The following ADGRV1 variants were observed in gnomAD, a reference collection of about 807,000 sequenced individuals.
ADGRV1 encodes the protein adhesion G protein-coupled receptor V1.
Under a neutral mutation model 596.2 loss-of-function variants are expected in ADGRV1, and 359 were observed. The ratio of observed to expected loss-of-function variants is 0.60; its 90% CI spans 0.55 to 0.66. ADGRV1 has a LOEUF of 0.66. ADGRV1 is among the 30% of genes least tolerant of loss of function. The probability of loss-of-function intolerance (pLI) is 0.00; values close to 1 mark genes in which losing one functional copy is unlikely to be tolerated. For synonymous variants in ADGRV1, 2,681 were observed against 2,679.2 expected (o/e 1.00, Z -0.02); for missense variants, 7,274 against 7,575.6 (o/e 0.96, Z 1.48).
At chr5:91,134,508 T>G (rs2126811829) in intron 87 of ADGRV1, among the ~76,000 whole-genome samples, 1 of 152,356 alleles carries the variant, frequency 6.6e-6, no homozygotes, top group African/African-American at 2.4e-5. Context: ...ACTGCTTCTT[T>G]GTGCTCAGAC....
At chr5:90,997,639 T>A (rs531109087) in intron 85 of ADGRV1, among the ~76,000 whole-genome samples, 1 of 152,336 alleles carries the variant, frequency 6.6e-6, no homozygotes, top group South Asian at 2.1e-4. Context: ...ACAAACTCAT[T>A]GTACTAAATA....
intron 1 of ADGRV1, among the ~76,000 whole-genome samples, chr5:90,610,478 A>G (rs1231913923): frequency 6.6e-6 from 1 of 151,972 alleles, no homozygotes; most frequent in African/African-American, 2.4e-5. Flanking sequence ...TTCTATTCTG[A>G]AGACATCCTT....
intron 87 of ADGRV1, among the ~76,000 whole-genome samples, chr5:91,106,208 A>T (rs1791862188): frequency 6.6e-6 from 1 of 152,006 alleles, no homozygotes; most frequent in Non-Finnish European, 1.5e-5. Flanking sequence ...AGCGACCTTT[A>T]TTGAAGAGAC....
chr5:91,024,903 G>A (rs547767277), intron 85 of ADGRV1, among the ~76,000 whole-genome samples: 1 of 152,100 alleles, frequency 6.6e-6, no homozygotes, highest in African/African-American at 2.4e-5. Flanking sequence ...ATCAAATTGC[G>A]CAGAATGGTG....
intron 21 of ADGRV1, among the ~76,000 whole-genome samples, chr5:90,662,066 A>C (rs1186899529): frequency 6.6e-6 from 1 of 152,124 alleles, no homozygotes; most frequent in Non-Finnish European, 1.5e-5. Flanking sequence ...TTTTTAAATG[A>C]AAGTTTTCAT....
intron 84 of ADGRV1, among the ~76,000 whole-genome samples, chr5:90,984,064 G>A (rs1453570467): frequency 2.0e-5 from 3 of 152,170 alleles, no homozygotes; most frequent in Non-Finnish European, 2.9e-5. Flanking sequence ...GACTATGTAT[G>A]TGCTCAGCAC....
At chr5:90,702,425 A>G (rs192706921) in intron 34 of ADGRV1, among the ~76,000 whole-genome samples, 69 of 152,012 alleles carry the variant, frequency 4.5e-4, no homozygotes, top group Middle Eastern at 3.4e-3. Context: ...TTTTGTTTAT[A>G]TTATCCACTC....
intron 78 of ADGRV1, among the ~76,000 whole-genome samples, chr5:90,845,241 C>T (rs1489122109): frequency 2.0e-5 from 3 of 152,156 alleles, no homozygotes; most frequent in African/African-American, 7.2e-5. Flanking sequence ...GTTAGTCATC[C>T]TCCTTCTGCC....
chr5:90,665,019 A>G (rs1771068113), intron 21 of ADGRV1, among the ~76,000 whole-genome samples: 1 of 151,768 alleles, frequency 6.6e-6, no homozygotes, highest in Non-Finnish European at 1.5e-5. Flanking sequence ...GTTTGCCAGT[A>G]TTTTATTGAG....
chr5:90,629,133 A>G, intron 8 of ADGRV1, 77 bp from the exon 9 acceptor site: 1 of 758,162 alleles, frequency 1.3e-6, no homozygotes, highest in Non-Finnish European at 1.9e-6. Flanking sequence ...TAAAATTAGA[A>G]TAACATGGAA....
chr5:91,158,894 TGG>T (rs1211804750), intron 89 of ADGRV1, among the ~76,000 whole-genome samples: 3 of 151,910 alleles, frequency 2.0e-5, no homozygotes, highest in South Asian at 2.1e-4. Flanking sequence ...GATGGATGGA[TGG>T]ATGGATAGAT....
rs1391394642 is a variant in ADGRV1, at chr5:90,625,162, T to A, written c.591T>A (p.Asp197Glu). 5.0e-6 allele frequency: 8 copies of A among 1,613,132 alleles called. No homozygotes were observed. The highest frequency in any genetic ancestry group is 6.8e-6 in the Non-Finnish European group (8 of 1,179,484). Residue 197 changes from aspartate (D) to glutamate (E), a missense_variant, in exon 6 of 90, where the codon GAT (aspartate) becomes GAA (glutamate). By Grantham distance (45) the Asp-to-Glu change is conservative. Transcript: ENST00000405460. ...GTGGCCCAAATCCCCCTGATGAAGATTTGAGTCCAGTTAAAGGAAATATCA... is the reference window on the plus strand; with the variant it reads ...GTGGCCCAAATCCCCCTGATGAAGAATTGAGTCCAGTTAAAGGAAATATCA... The part of the protein sequence containing the change: ...VEGGPNPPDE[D>E]LSPVKGNITF...
chr5:90,789,934 G>C (rs1759884089), intron 69 of ADGRV1, 83 bp downstream of exon 69: 1 of 997,030 alleles, frequency 1.0e-6, no homozygotes, highest in African/African-American at 1.7e-5. Flanking sequence ...GCATGTTCTA[G>C]TTAATTAAAG....
intron 86 of ADGRV1, among the ~76,000 whole-genome samples, chr5:91,078,924 A>G (rs1789087624): frequency 5.3e-5 from 8 of 152,208 alleles, no homozygotes; most frequent in Admixed American, 5.2e-4. Flanking sequence ...CAATATCCTC[A>G]TTATTCTCAC....
rs756798325 is a variant in ADGRV1, at chr5:90,790,957, A to G, written c.14128A>G (p.Ser4710Gly). The part of the protein sequence containing the change: ...SGFFTIADGE[S>G]EASFDVHLLP... ...ATTTTTCACCATTGCTGATGGAGAG[A>G]GTGAAGCTAGCTTTGATGTTCATTT... is the stretch of plus-strand genomic sequence containing the variant. Residue 4710 changes from serine (S) to glycine (G), a missense_variant, in exon 70 of 90, where the codon AGT becomes GGT. Coordinates refer to ENST00000405460, the MANE Select transcript of ADGRV1 (RefSeq NM_032119.4). 1.9e-6 allele frequency: 3 copies of G among 1,612,922 alleles called. No individual in the cohort carries two copies. In the Admixed American group the frequency reaches 5.0e-5, roughly 27 times the overall value.
chr5:90,981,761 A>G (rs1780095178), intron 84 of ADGRV1, among the ~76,000 whole-genome samples: 1 of 152,248 alleles, frequency 6.6e-6, no homozygotes, highest in Non-Finnish European at 1.5e-5. Flanking sequence ...TTTATAAAGT[A>G]TATGAAGAAA....
At chr5:91,153,074 T>G in intron 88 of ADGRV1, 147 bp from the exon 89 acceptor site, 1 of 599,760 alleles carries the variant, frequency 1.7e-6, no homozygotes, top group Non-Finnish European at 2.8e-6. Flanking sequence ...TATAAATAAG[T>G]AAAGGTCTAG....
chr5:90,594,850 A>G (rs947259756), intron 1 of ADGRV1, among the ~76,000 whole-genome samples: 6 of 150,986 alleles, frequency 4.0e-5, no homozygotes, highest in Admixed American at 3.9e-4. Flanking sequence ...TTTTCTTAGT[A>G]CAGAAGAAAA....
At chr5:90,940,802 C>T (rs1776109204) in intron 83 of ADGRV1, among the ~76,000 whole-genome samples, 1 of 149,104 alleles carries the variant, frequency 6.7e-6, no homozygotes, top group Admixed American at 6.7e-5. Flanking sequence ...GAGGAGCATT[C>T]ACACTCAGAG....
Sources: allele counts gnomAD v4.1 joint callset (sites outside exome capture counted in the v4.1 genomes callset), GRCh38; gene constraint gnomAD v4.1.1; transcripts MANE v1.5; gene names NCBI Gene and HGNC (gene_info 2026-07-23, HGNC 2026-07-21).